Variants in SORBS2 observed in about 807,000 individuals in gnomAD.
SORBS2 encodes the protein sorbin and SH3 domain containing 2.
Under a neutral mutation model 97.7 loss-of-function variants are expected in SORBS2, and 46 were observed. The ratio of observed to expected loss-of-function variants is 0.47; its 90% CI spans 0.37 to 0.60. SORBS2 has a LOEUF of 0.60. Ranked by LOEUF, SORBS2 falls within the 20% of genes least tolerant of loss-of-function variation. SORBS2 has a pLI of 0.00. For synonymous variants in SORBS2, 476 were observed against 473.4 expected (o/e 1.01, Z -0.07); for missense variants, 1,316 against 1,282.3 (o/e 1.03, Z -0.40).
chr4:185,743,195 G>T (rs751360547), intron 2 of SORBS2, among the ~76,000 whole-genome samples: 1 of 151,498 alleles, frequency 6.6e-6, no homozygotes, highest in East Asian at 1.9e-4. Context: ...TTATTTTTTC[G>T]TGGCATCCTA....
At chr4:185,595,905 G>A (rs1385898704) in intron 12 of SORBS2, among the ~76,000 whole-genome samples, 1 of 152,026 alleles carries the variant, frequency 6.6e-6, no homozygotes, top group African/African-American at 2.4e-5. Flanking sequence ...AAAGCCATAT[G>A]ATTTTGAGAA....
chr4:185,811,915 G>C (rs576554767), intron 1 of SORBS2: 9 of 152,280 alleles, frequency 5.9e-5, no homozygotes, highest in Admixed American at 1.3e-4. Context: ...TCGTTTTCAG[G>C]GTAAGCAGCT....
In SORBS2 at chr4:185,817,039, G is replaced by A. The variant is rs767557084; in HGVS notation, c.-337-41673C>T. On this transcript the variant is annotated intron_variant, in intron 1 of 20. Transcript: ENST00000284776. ...AGCTAGTCCTAAGTCTGGAGAGCCCGGTCTTTACTGGCTAATAATAACAAC... is the reference window on the plus strand; with the variant it reads ...AGCTAGTCCTAAGTCTGGAGAGCCCAGTCTTTACTGGCTAATAATAACAAC... Among the ~76,000 whole-genome samples the A allele has an allele frequency of 2.6e-4, 40 of 152,088 alleles. 1 individual carries two copies. Among genetic ancestry groups the A allele is most frequent in the Non-Finnish European group, 3.7e-4 (25 of 68,022 alleles).
chr4:185,657,409 G>T (rs765747422), upstream of SORBS2: 11 of 1,524,774 alleles, frequency 7.2e-6, no homozygotes, highest in South Asian at 1.3e-4. Flanking sequence ...AGACGCACAC[G>T]CTGGCATTTC....
intron 2 of SORBS2, among the ~76,000 whole-genome samples, chr4:185,728,601 C>T (rs544397085): frequency 2.0e-4 from 31 of 152,200 alleles, no homozygotes; most frequent in Non-Finnish European, 3.8e-4. Flanking sequence ...GTTCACCTGT[C>T]ATCACAAAAG....
At chr4:185,662,853 T>C (rs1454498036) in intron 4 of SORBS2, among the ~76,000 whole-genome samples, 1 of 152,254 alleles carries the variant, frequency 6.6e-6, no homozygotes, top group Admixed American at 6.5e-5. Context: ...TTCAGCCTCA[T>C]TGAGCACTTC....
At chr4:185,841,508 T>C (rs566108608) in intron 1 of SORBS2, among the ~76,000 whole-genome samples, 68 of 152,294 alleles carry the variant, frequency 4.5e-4, no homozygotes, top group Admixed American at 2.8e-3. Flanking sequence ...ATTCACTTAC[T>C]AGCCAGCAGG....
chr4:185,641,810 T>A (rs1278448468), intron 4 of SORBS2, among the ~76,000 whole-genome samples: 1 of 151,780 alleles, frequency 6.6e-6, no homozygotes, highest in Non-Finnish European at 1.5e-5. Flanking sequence ...ACTAACTTTG[T>A]TAGTCATCAG....
intron 13 of SORBS2, among the ~76,000 whole-genome samples, chr4:185,592,578 C>T (rs1329067050): frequency 6.6e-6 from 1 of 152,092 alleles, no homozygotes; most frequent in East Asian, 1.9e-4. Context: ...TTGTTTGAGA[C>T]AGGGTCTTGC....
intron 1 of SORBS2, among the ~76,000 whole-genome samples, chr4:185,806,258 T>G (rs1446100466): frequency 6.6e-6 from 1 of 152,210 alleles, no homozygotes; most frequent in Non-Finnish European, 1.5e-5. Context: ...CAGGGACTTC[T>G]GTTTAGAGGA....
At chr4:185,771,837 C>T (rs1206361049) in intron 2 of SORBS2, 3 of 152,146 alleles carry the variant, frequency 2.0e-5, no homozygotes, top group Admixed American at 1.3e-4. Flanking sequence ...CAAGTCAGAT[C>T]TTAGTGTCCT....
intron 1 of SORBS2, among the ~76,000 whole-genome samples, chr4:185,806,593 G>A (rs965852906): frequency 1.3e-5 from 2 of 150,262 alleles, no homozygotes; most frequent in African/African-American, 4.9e-5. Flanking sequence ...GAGTAGCTGG[G>A]ACTACAGGCG....
chr4:185,744,631 C>G (rs1270091646), intron 2 of SORBS2, among the ~76,000 whole-genome samples: 4 of 152,220 alleles, frequency 2.6e-5, no homozygotes, highest in Non-Finnish European at 5.9e-5. Flanking sequence ...TCGGATTAAT[C>G]TTTGAATGTT....
intron 1 of SORBS2, among the ~76,000 whole-genome samples, chr4:185,827,217 C>A (rs543592838): frequency 5.9e-4 from 87 of 147,708 alleles, no homozygotes; most frequent in African/African-American, 2.1e-3. Context: ...TCATCACCAT[C>A]ATCACCATCA....
chr4:185,656,621 A>G, exon 1 of SORBS2: 1 of 1,550,006 alleles, frequency 6.5e-7, no homozygotes, highest in Non-Finnish European at 8.7e-7. Flanking sequence ...TCACCTGCAA[A>G]GGTGTTGTTG....
chr4:185,827,028 C>G (rs1429908723), intron 1 of SORBS2, among the ~76,000 whole-genome samples: 1 of 151,748 alleles, frequency 6.6e-6, no homozygotes, highest in Non-Finnish European at 1.5e-5. Context: ...TCATCATCAC[C>G]ATCACCACCA....
At chr4:185,883,303 A>G (rs1244959095) in intron 1 of SORBS2, among the ~76,000 whole-genome samples, 1 of 152,238 alleles carries the variant, frequency 6.6e-6, no homozygotes, top group Non-Finnish European at 1.5e-5. Flanking sequence ...CAGAAAAAAG[A>G]TGCTTAAGTC....
intron 1 of SORBS2, among the ~76,000 whole-genome samples, chr4:185,857,235 T>G (rs892690263): frequency 2.6e-5 from 4 of 152,192 alleles, no homozygotes; most frequent in Non-Finnish European, 5.9e-5. Context: ...ATGAATACTT[T>G]TATAATTTCT....
At chr4:185,710,797 G>A (rs983263038) in intron 2 of SORBS2, among the ~76,000 whole-genome samples, 18 of 152,258 alleles carry the variant, frequency 1.2e-4, no homozygotes, top group Non-Finnish European at 2.1e-4. Context: ...GGAGGTGAGC[G>A]GGCACAGTGC....
Sources: gnomAD v4.1 joint callset for allele counts (sites outside exome capture counted in the v4.1 genomes callset) on GRCh38, gnomAD v4.1.1 for gene constraint, MANE v1.5 for transcripts, NCBI Gene and HGNC (gene_info 2026-07-23, HGNC 2026-07-21) for gene names.